Variants in ATP2C2 observed in about 807,000 individuals in gnomAD.
The protein encoded by ATP2C2 is calcium-transporting ATPase type 2C member 2.
In ATP2C2, 171 loss-of-function variants were observed where a neutral mutation model predicts 110.8. The ratio of observed to expected loss-of-function variants is 1.54; its 90% CI spans 1.36 to 1.75. The LOEUF (loss-of-function observed/expected upper bound fraction) is 1.75. ATP2C2 is among the 40% of genes most tolerant of loss of function. The pLI, the probability that ATP2C2 is intolerant of heterozygous loss-of-function variation, is 0.00. For missense variants in ATP2C2, 1,963 were observed against 1,235.0 expected (o/e 1.59, Z -8.84); for synonymous variants, 804 against 508.4 (o/e 1.58, Z -7.82).
chr16:84,459,165 C>G lies in ATP2C2; in HGVS notation c.2193C>G (p.Asn731Lys), dbSNP rs369870699. ...EGKGIFYNIKNFVRFQLSTSI... is the reference protein window; with the variant it reads ...EGKGIFYNIKKFVRFQLSTSI... Reference sequence around the variant, plus strand: ...AGGGTATTTTTTACAACATCAAAAACTTTGTCCGATTCCAGCTGAGCACGT... The same window carrying G: ...AGGGTATTTTTTACAACATCAAAAAGTTTGTCCGATTCCAGCTGAGCACGT... Residue 731 changes from asparagine (N) to lysine (K), a missense_variant, in exon 22 of 27, where the codon AAC (asparagine) becomes AAG (lysine). By Grantham distance (94) the Asn-to-Lys change is moderately conservative (BLOSUM62 0). Transcript: ENST00000262429. 19 of 1,614,072 alleles carry G rather than the reference C, an allele frequency of 1.2e-5. No homozygotes were observed. In the East Asian group the frequency reaches 2.0e-4, roughly 17 times the overall value.
At chr16:84,455,844 T>C (rs1272584775) in intron 21 of ATP2C2, among the ~76,000 whole-genome samples, 3 of 146,504 alleles carry the variant, frequency 2.0e-5, no homozygotes, top group Non-Finnish European at 4.5e-5. Flanking sequence ...TGAAGGGTTG[T>C]TGAATTTTGT....
chr16:84,388,324 CA>C (rs61000660), intron 1 of ATP2C2, among the ~76,000 whole-genome samples: 4 of 143,572 alleles, frequency 2.8e-5, no homozygotes, highest in African/African-American at 2.5e-5. Flanking sequence ...GACTCTGTCT[CA>C]AAAAAAAAAG....
Position 84,461,799 on chromosome 16 carries a change from C to G in ATP2C2, c.2567C>G (p.Thr856Ser). 6.2e-7 allele frequency: 1 copy of G among 1,614,120 alleles called. No homozygotes were observed. Among genetic ancestry groups the G allele is most frequent in the Non-Finnish European group, 8.5e-7 (1 of 1,179,958 alleles). ...FVFFDLFNAL[T>S]CRSQTKLIFE... ...TTTTTCGATCTCTTCAACGCCTTGA[C>G]CTGCCGCTCTCAGGTGAGACCCGGG... The change falls in exon 25 of 27, where the codon ACC becomes AGC. Residue 856 changes from threonine (T) to serine (S), a missense_variant. Coordinates refer to ENST00000262429, the MANE Select transcript of ATP2C2 (RefSeq NM_014861.4).
intron 1 of ATP2C2, among the ~76,000 whole-genome samples, chr16:84,385,852 A>C (rs1327796898): frequency 6.6e-6 from 1 of 152,236 alleles, no homozygotes; most frequent in Non-Finnish European, 1.5e-5. Flanking sequence ...CCCTTCCCCA[A>C]CATGCGGGGA....
chr16:84,411,095 A>T (rs139362524), intron 6 of ATP2C2, among the ~76,000 whole-genome samples: 2 of 152,222 alleles, frequency 1.3e-5, no homozygotes, highest in Non-Finnish European at 2.9e-5. Context: ...CATTTTTTCT[A>T]GGGAGAGGGT....
At chr16:84,421,025 C>T (rs925140861) in intron 7 of ATP2C2, among the ~76,000 whole-genome samples, 28 of 152,194 alleles carry the variant, frequency 1.8e-4, no homozygotes, top group East Asian at 1.9e-4. Context: ...AGGCTGGTCT[C>T]GAACTCCTGA....
intron 22 of ATP2C2, 26 bp from the exon 23 acceptor site, chr16:84,459,244 G>A (rs765360508): frequency 2.4e-5 from 38 of 1,614,012 alleles, no homozygotes; most frequent in East Asian, 6.7e-5. Context: ...GCGGGCGGCC[G>A]CTGACTGGCT....
chr16:84,411,342 C>T (rs755686763), intron 6 of ATP2C2, among the ~76,000 whole-genome samples: 18 of 152,210 alleles, frequency 1.2e-4, no homozygotes, highest in Non-Finnish European at 1.6e-4. Flanking sequence ...TCTGCCAGTA[C>T]CACATGGCCC....
chr16:84,391,117 A>AGAC, intron 1 of ATP2C2, among the ~76,000 whole-genome samples: 1 of 149,848 alleles, frequency 6.7e-6, no homozygotes, highest in Non-Finnish European at 1.5e-5. Flanking sequence ...CAGACTCAAA[A>AGAC]AAAAAAAAAA....
chr16:84,368,752 AC>A, intron 1 of ATP2C2, 38 bp downstream of exon 1: 2 of 1,446,262 alleles, frequency 1.4e-6, no homozygotes, highest in Non-Finnish European at 1.8e-6. Flanking sequence ...GTGCGACCCG[AC>A]CCCCCATCCC....
At chr16:84,461,037 G>C (rs1911276355) in intron 24 of ATP2C2, 2 of 531,830 alleles carry the variant, frequency 3.8e-6, no homozygotes, top group Non-Finnish European at 6.4e-6. Flanking sequence ...CAGCGGGGTG[G>C]AGATGACTTT....
intron 1 of ATP2C2, among the ~76,000 whole-genome samples, chr16:84,386,310 T>C (rs1202220918): frequency 2.0e-5 from 3 of 152,250 alleles, no homozygotes; most frequent in Admixed American, 6.5e-5. Flanking sequence ...TCTGTCTCTC[T>C]CTGTATCTCC....
chr16:84,386,832 G>C (rs906388537), intron 1 of ATP2C2, among the ~76,000 whole-genome samples: 1 of 152,162 alleles, frequency 6.6e-6, no homozygotes, highest in African/African-American at 2.4e-5. Flanking sequence ...CAGCGTAGGT[G>C]GGGGTAGCTA....
chr16:84,433,984 G>T (rs1208164328), intron 11 of ATP2C2, among the ~76,000 whole-genome samples: 1 of 152,156 alleles, frequency 6.6e-6, no homozygotes, highest in African/African-American at 2.4e-5. Flanking sequence ...AAAGGGCGAG[G>T]TTTTTCAGTT....
At chr16:84,414,029 A>G (rs1191280877) in intron 6 of ATP2C2, among the ~76,000 whole-genome samples, 1 of 152,148 alleles carries the variant, frequency 6.6e-6, no homozygotes, top group African/African-American at 2.4e-5. Flanking sequence ...ACCAAAACAA[A>G]TAAAAAACCC....
chr16:84,368,628 C>G lies in ATP2C2; in HGVS notation c.13C>G (p.Arg5Gly), dbSNP rs1224279569. 6.4e-7 allele frequency: 1 copy of G among 1,560,378 alleles called. No individual in the cohort carries two copies. Among genetic ancestry groups the G allele is most frequent in the Non-Finnish European group, 8.7e-7 (1 of 1,153,674 alleles). ...GCGCCCGCTCACCATGGTCGAGGGA[C>G]GCGTCTCCGAGTTCCTGAAGAAACT... Reference protein sequence around the residue: MVEGRVSEFLKKLGF... With the variant: MVEGGVSEFLKKLGF... The change falls in exon 1 of 27, where the codon CGC becomes GGC. Residue 5 changes from arginine (R) to glycine (G), a missense_variant. By Grantham distance (125) the Arg-to-Gly change is moderately radical. Transcript: ENST00000262429.
Position 84,463,728 on chromosome 16 carries a change from T to C in ATP2C2, c.2837T>C (p.Val946Ala). 9 of 1,610,034 alleles carry C rather than the reference T, an allele frequency of 5.6e-6. No individual in the cohort carries two copies. Among genetic ancestry groups the C allele is most frequent in the Middle Eastern group, 1.7e-4 (1 of 6,058 alleles). The change falls in exon 27 of 27, where the codon GTG becomes GCG. Residue 946 changes from valine to alanine, a missense_variant. By Grantham distance (64) the Val-to-Ala change is moderately conservative. Transcript: ENST00000262429. Reference sequence around the variant, plus strand: ...AGAGTCCAGATGCACCCTGAAGATGTGTAGTGGACCGCACTCCGCGGCACC... The same window carrying C: ...AGAGTCCAGATGCACCCTGAAGATGCGTAGTGGACCGCACTCCGCGGCACC... ...PKRVQMHPED[V>A]
In ATP2C2 at chr16:84,398,495, A is replaced by T. The variant is rs376944491; in HGVS notation, c.100-4A>T. 6.3e-7 allele frequency: 1 copy of T among 1,597,696 alleles called. No homozygotes were observed. Among genetic ancestry groups the T allele is most frequent in the Non-Finnish European group, 8.5e-7 (1 of 1,173,530 alleles). ...GCTAAACAGCAACCCTGCTCTTTTC[A>T]CAGATTGATGAACAGAGTGAGCTGA... is the stretch of plus-strand genomic sequence containing the variant. On this transcript the variant is annotated splice_polypyrimidine_tract_variant and splice_region_variant and intron_variant, in intron 1 of 26. Coordinates refer to ENST00000262429, the MANE Select transcript of ATP2C2 (RefSeq NM_014861.4).
Position 84,460,661 on chromosome 16 carries a change from G to A in ATP2C2, c.2341G>A (p.Val781Ile), listed in dbSNP as rs957218807. Residue 781 changes from valine (V) to isoleucine (I), a missense_variant, in exon 24 of 27, where the codon GTA becomes ATA. Coordinates refer to ENST00000262429, the MANE Select transcript of ATP2C2 (RefSeq NM_014861.4). ...MDGPPAQSLG[V>I]EPVDKDAFRQ... ...GTGTCTTGTTCGGAGCAGCTTGGGG[G>A]TAGAGCCCGTTGACAAAGACGCCTT... 3.7e-6 allele frequency: 6 copies of A among 1,614,228 alleles called. No individual in the cohort carries two copies. The highest frequency in any genetic ancestry group is 8.5e-7 in the Non-Finnish European group (1 of 1,180,040).
Sources: gnomAD v4.1 joint callset for allele counts (sites outside exome capture counted in the v4.1 genomes callset) on GRCh38, gnomAD v4.1.1 for gene constraint, MANE v1.5 for transcripts, NCBI Gene and HGNC (gene_info 2026-07-23, HGNC 2026-07-21) for gene names.